FNDC3B: variants seen among roughly 807,000 people sequenced by gnomAD.
FNDC3B encodes fibronectin type III domain containing 3B.
In FNDC3B, 12 loss-of-function variants were observed where a neutral mutation model predicts 151.5. The ratio of observed to expected loss-of-function variants is 0.08; its 90% CI spans 0.05 to 0.13. The LOEUF (loss-of-function observed/expected upper bound fraction) is 0.13, where lower values mean the gene tolerates loss of function less well. Among genes scored for constraint, FNDC3B ranks in the 10% least tolerant of loss-of-function variants. The pLI is 1.00. For missense variants in FNDC3B, 1,214 were observed against 1,505.3 expected (o/e 0.81, Z 3.20); for synonymous variants, 528 against 549.0 (o/e 0.96, Z 0.54).
chr3:172,059,325 C>T (rs1453090337), intron 1 of FNDC3B, among the ~76,000 whole-genome samples: 3 of 152,062 alleles, frequency 2.0e-5, no homozygotes, highest in Admixed American at 6.5e-5. Flanking sequence ...GTCCTGTGAT[C>T]CATACACCTT....
intron 5 of FNDC3B, among the ~76,000 whole-genome samples, chr3:172,248,782 C>G (rs955094241): frequency 6.7e-6 from 1 of 148,150 alleles, no homozygotes; most frequent in Non-Finnish European, 1.5e-5. Context: ...ATAACTTATT[C>G]ACAGAAAAAA....
At chr3:172,093,303 G>C (rs1379853646) in intron 1 of FNDC3B, among the ~76,000 whole-genome samples, 1 of 149,482 alleles carries the variant, frequency 6.7e-6, no homozygotes, top group Non-Finnish European at 1.5e-5. Flanking sequence ...CTGTCACCCA[G>C]GCTGGAGTGC....
At chr3:172,355,963 C>CT (rs34084311) in intron 22 of FNDC3B, among the ~76,000 whole-genome samples, 1 of 152,154 alleles carries the variant, frequency 6.6e-6, no homozygotes, top group East Asian at 1.9e-4. Flanking sequence ...CCTGAGATTA[C>CT]TTTTTTTTAA....
intron 25 of FNDC3B, among the ~76,000 whole-genome samples, chr3:172,392,470 A>T (rs1164022432): frequency 2.0e-5 from 3 of 152,222 alleles, no homozygotes; most frequent in South Asian, 4.1e-4. Flanking sequence ...CTTTAAAAGG[A>T]TAACTACCAG....
intron 4 of FNDC3B, among the ~76,000 whole-genome samples, chr3:172,228,061 G>A (rs1161463982): frequency 6.6e-6 from 1 of 151,930 alleles, no homozygotes; most frequent in African/African-American, 2.4e-5. Context: ...TTTTATGTGA[G>A]CCAATTGGAC....
At chr3:172,293,396 T>C (rs1364587003) in intron 7 of FNDC3B, among the ~76,000 whole-genome samples, 1 of 152,148 alleles carries the variant, frequency 6.6e-6, no homozygotes, top group African/African-American at 2.4e-5. Flanking sequence ...TTTAAAGAGA[T>C]GTGTAATGCA....
At chr3:172,315,890 T>G (rs1389933773) in intron 11 of FNDC3B, among the ~76,000 whole-genome samples, 3 of 151,968 alleles carry the variant, frequency 2.0e-5, no homozygotes, top group African/African-American at 7.3e-5. Flanking sequence ...TGAGACACTA[T>G]ACCCGTTGGC....
chr3:172,193,392 G>A (rs1214824741), intron 3 of FNDC3B, among the ~76,000 whole-genome samples: 1 of 135,872 alleles, frequency 7.4e-6, no homozygotes, highest in Non-Finnish European at 1.6e-5. Context: ...TATTTAGGTT[G>A]CTAGTCTCAA....
At chr3:172,186,963 A>T (rs1724220372) in intron 3 of FNDC3B, 4 of 487,464 alleles carry the variant, frequency 8.2e-6, no homozygotes, top group Non-Finnish European at 1.4e-5. Flanking sequence ...AAAAGCAAGG[A>T]ACTATATTAT....
In FNDC3B at chr3:172,086,185, A is replaced by T. The variant is rs534143835; in HGVS notation, c.-28-26267A>T. On this transcript the variant is annotated intron_variant, in intron 1 of 25. Transcript: ENST00000415807. ...AGACTGGCCTGGGCAACATAAAGAGATGACGTGTCTACAATAAATTAAAAA... is the reference window on the plus strand; with the variant it reads ...AGACTGGCCTGGGCAACATAAAGAGTTGACGTGTCTACAATAAATTAAAAA... Among the ~76,000 whole-genome samples the T allele has an allele frequency of 6.7e-4, 102 of 152,096 alleles. No individual in the cohort carries two copies. In the South Asian group the frequency reaches 0.02, roughly 30 times the overall value.
In FNDC3B at chr3:172,263,132, ACT is replaced by A. The variant is rs796907162; in HGVS notation, c.790+11594_790+11595del. Among the ~76,000 whole-genome samples the A allele has an allele frequency of 6.5e-4, 98 of 150,838 alleles. 1 individual carries two copies. The highest frequency in any genetic ancestry group is 2.2e-3 in the African/African-American group (91 of 41,174). On this transcript the variant is annotated intron_variant, in intron 6 of 25. Coordinates refer to ENST00000415807, the MANE Select transcript of FNDC3B (RefSeq NM_022763.4). ...ATATGGCATTTCTGTGAAATAATCAACTCTTGCTTTCTAGACTTATTAGAATT... is the reference window on the plus strand; with the variant it reads ...ATATGGCATTTCTGTGAAATAATCAACTTGCTTTCTAGACTTATTAGAATT...
intron 3 of FNDC3B, among the ~76,000 whole-genome samples, chr3:172,148,211 A>G (rs78802970): frequency 0.032 from 4,927 of 152,236 alleles, 256 homozygotes; most frequent in African/African-American, 0.11. Context: ...AGTCTAATGA[A>G]TAATATTATG....
intron 4 of FNDC3B, among the ~76,000 whole-genome samples, chr3:172,246,412 T>TA (rs1344447800): frequency 1.3e-5 from 2 of 152,268 alleles, no homozygotes; most frequent in Admixed American, 6.5e-5. Context: ...CATCTCACGT[T>TA]ATCATTCTCT....
At chr3:172,347,151 A>G in intron 20 of FNDC3B, 61 bp from the exon 21 acceptor site, 1 of 1,448,648 alleles carries the variant, frequency 6.9e-7, no homozygotes, top group Non-Finnish European at 9.4e-7. Flanking sequence ...AATTGAATAC[A>G]AGCACAGTAG....
chr3:172,180,924 T>A (rs991064778), intron 3 of FNDC3B, among the ~76,000 whole-genome samples: 4 of 152,090 alleles, frequency 2.6e-5, no homozygotes, highest in African/African-American at 9.7e-5. Context: ...TGGAGGCTAT[T>A]GTTTAGGTTG....
chr3:172,118,650 G>A (rs1428819546), intron 2 of FNDC3B, among the ~76,000 whole-genome samples: 1 of 152,218 alleles, frequency 6.6e-6, no homozygotes, highest in African/African-American at 2.4e-5. Context: ...AAAGTAGAAA[G>A]AGGCTGGTCA....
At chr3:172,209,844 C>T (rs1377158557) in intron 3 of FNDC3B, among the ~76,000 whole-genome samples, 2 of 152,260 alleles carry the variant, frequency 1.3e-5, no homozygotes, top group East Asian at 3.9e-4. Flanking sequence ...CTGAACTGCC[C>T]TCAGCCCCTT....
At chr3:172,284,445 A>G (rs192147523) in intron 6 of FNDC3B, among the ~76,000 whole-genome samples, 41 of 152,312 alleles carry the variant, frequency 2.7e-4, no homozygotes, top group Admixed American at 2.6e-3. Flanking sequence ...AAGCAAGGGA[A>G]CAAATAAGAA....
intron 5 of FNDC3B, among the ~76,000 whole-genome samples, 162 bp from the exon 6 acceptor site, chr3:172,251,098 C>T (rs1728042492): frequency 3.3e-5 from 5 of 152,104 alleles, no homozygotes; most frequent in Admixed American, 3.3e-4. Context: ...CCACTGTGCC[C>T]AGCAGTATTT....
Sources: allele counts gnomAD v4.1 joint callset (sites outside exome capture counted in the v4.1 genomes callset), GRCh38; gene constraint gnomAD v4.1.1; transcripts MANE v1.5; gene names NCBI Gene and HGNC (gene_info 2026-07-23, HGNC 2026-07-21).